The following CBL variants were observed in gnomAD, a reference collection of about 807,000 sequenced individuals.
CBL encodes the protein E3 ubiquitin-protein ligase CBL.
A neutral mutation model predicts 96.9 loss-of-function variants in CBL; 45 were observed. The observed-to-expected ratio is 0.46, with a 90% CI of 0.37 to 0.60. The LOEUF is 0.60. Ranked by LOEUF, CBL falls within the 20% of genes least tolerant of loss-of-function variation. The probability of loss-of-function intolerance (pLI) is 0.00; values close to 1 mark genes in which losing one functional copy is unlikely to be tolerated. For synonymous variants in CBL, 420 were observed against 426.8 expected, an observed-to-expected ratio of 0.98 and a Z score of 0.20; for missense variants, 1,024 against 1,143.5, an observed-to-expected ratio of 0.90 and a Z score of 1.51.
chr11:119,258,634 T>C (rs974670500), intron 2 of CBL, among the ~76,000 whole-genome samples: 1 of 152,194 alleles, frequency 6.6e-6, no homozygotes, highest in African/African-American at 2.4e-5. Flanking sequence ...AATTGATCTA[T>C]GTATCTTTCT....
At chr11:119,256,544 T>A (rs1274368210) in intron 2 of CBL, among the ~76,000 whole-genome samples, 5 of 152,194 alleles carry the variant, frequency 3.3e-5, no homozygotes, top group Admixed American at 6.5e-5. Flanking sequence ...ATGCTCTTTT[T>A]TTTAGATTTT....
In CBL at chr11:119,219,609, GT is replaced by G. The variant is rs1315379123; in HGVS notation, c.196-12838del. Among the ~76,000 whole-genome samples the G allele has an allele frequency of 4.0e-5, 6 of 151,716 alleles. No individual in the cohort carries two copies. In the East Asian group the frequency reaches 1.2e-3, roughly 29 times the overall value. On this transcript the variant is annotated intron_variant, in intron 1 of 15. Transcript: ENST00000264033. ...CCCCCTAAGATAAAGGGGGACCACTGTAATCTCTAGTTCATACTAAGTATTT... is the reference window on the plus strand; with the variant it reads ...CCCCCTAAGATAAAGGGGGACCACTGAATCTCTAGTTCATACTAAGTATTT...
intron 1 of CBL, among the ~76,000 whole-genome samples, chr11:119,212,346 G>A (rs965687978): frequency 6.6e-6 from 1 of 151,844 alleles, no homozygotes. Flanking sequence ...TTTATTGGCC[G>A]GGTGTGTGGT....
chr11:119,243,215 T>A (rs1356690626), intron 2 of CBL, among the ~76,000 whole-genome samples: 1 of 152,110 alleles, frequency 6.6e-6, no homozygotes, highest in Admixed American at 6.6e-5. Flanking sequence ...GAGGTGGAAG[T>A]TGCAGTGAGC....
intron 2 of CBL, among the ~76,000 whole-genome samples, chr11:119,234,932 A>G (rs1391547219): frequency 2.0e-5 from 3 of 152,178 alleles, no homozygotes; most frequent in African/African-American, 7.2e-5. Flanking sequence ...TGGCATGAAA[A>G]TGGAGGCTCT....
intron 9 of CBL, 43 bp from the exon 10 acceptor site, chr11:119,284,926 T>G (rs1949968539): frequency 6.2e-7 from 1 of 1,611,966 alleles, no homozygotes; most frequent in South Asian, 1.1e-5. Flanking sequence ...AGATGCCATT[T>G]CCCCAAACGA....
Position 119,260,939 on chromosome 11 carries a change from C to CTTTTTTTTTTTTTTT in CBL, c.444-10790_444-10776dup, listed in dbSNP as rs35248070. On this transcript the variant is annotated intron_variant, in intron 2 of 15. Transcript: ENST00000264033. ...TTTCACTTTGGCAGTTAAATCTCTA[C>CTTTTTTTTTTTTTTT]TTTTTTTTTTTTTTTTTTTTAATGG... is the stretch of plus-strand genomic sequence containing the variant. Among the ~76,000 whole-genome samples, 55 of 89,918 alleles carry CTTTTTTTTTTTTTTT rather than the reference C, an allele frequency of 6.1e-4. 5 individuals carry two copies. Among genetic ancestry groups the CTTTTTTTTTTTTTTT allele is most frequent in the African/African-American group, 2.4e-3 (47 of 19,864 alleles). 59.0% of individuals were successfully genotyped at this position (89,918 alleles called of 152,430 possible). A position where few individuals can be genotyped will look rare whatever the true frequency, so the allele number is the denominator to read the frequency against.
intron 2 of CBL, among the ~76,000 whole-genome samples, chr11:119,254,597 C>A (rs1446985800): frequency 1.3e-5 from 2 of 151,596 alleles, no homozygotes; most frequent in African/African-American, 2.4e-5. Context: ...GTATTATAAT[C>A]TTTTTTTATC....
intron 2 of CBL, among the ~76,000 whole-genome samples, chr11:119,268,444 TG>T (rs1949819792): frequency 6.6e-6 from 1 of 152,196 alleles, no homozygotes; most frequent in South Asian, 2.1e-4. Context: ...AAGATGGTGT[TG>T]TCATTAAATA....
chr11:119,230,243 C>G (rs1949491330), intron 1 of CBL, among the ~76,000 whole-genome samples: 1 of 151,924 alleles, frequency 6.6e-6, no homozygotes. Flanking sequence ...GCTCCGCCTC[C>G]TGGGTTCACA....
At chr11:119,231,481 C>T (rs191602703) in intron 1 of CBL, among the ~76,000 whole-genome samples, 1 of 152,034 alleles carries the variant, frequency 6.6e-6, no homozygotes, top group East Asian at 1.9e-4. Flanking sequence ...GAGGCTGAGG[C>T]CAGTGGATCA....
At chr11:119,226,467 CAACTT>C (rs1238896736) in intron 1 of CBL, among the ~76,000 whole-genome samples, 15 of 152,142 alleles carry the variant, frequency 9.9e-5, no homozygotes, top group Middle Eastern at 3.4e-3. Flanking sequence ...GAAATTTACT[CAACTT>C]AAATGACTGA....
intron 2 of CBL, among the ~76,000 whole-genome samples, chr11:119,248,857 G>C (rs1949650641): frequency 6.6e-6 from 1 of 152,134 alleles, no homozygotes; most frequent in African/African-American, 2.4e-5. Flanking sequence ...ATATACAGCT[G>C]TCCAATAAGC....
At chr11:119,243,064 G>A (rs1949599646) in intron 2 of CBL, among the ~76,000 whole-genome samples, 1 of 152,024 alleles carries the variant, frequency 6.6e-6, no homozygotes, top group African/African-American at 2.4e-5. Flanking sequence ...GATTACCTGA[G>A]GTCAGGAGTT....
At chr11:119,235,959 A>G (rs777035206) in intron 2 of CBL, among the ~76,000 whole-genome samples, 3 of 152,196 alleles carry the variant, frequency 2.0e-5, no homozygotes, top group Non-Finnish European at 4.4e-5. Context: ...TCAGGTTGAA[A>G]GGGTTTTTGT....
chr11:119,245,843 G>A (rs901906779), intron 2 of CBL, among the ~76,000 whole-genome samples: 5 of 151,740 alleles, frequency 3.3e-5, no homozygotes, highest in Non-Finnish European at 5.9e-5. Context: ...TTGTGGAGAT[G>A]GGATCTCACT....
At chr11:119,233,285 C>T (rs944817816) in intron 2 of CBL, among the ~76,000 whole-genome samples, 1 of 152,102 alleles carries the variant, frequency 6.6e-6, no homozygotes. Flanking sequence ...GAGTCTGGCT[C>T]TGTCGCCCAG....
rs1950121214 is a variant in CBL at position 119,304,391 on chromosome 11, A to G, written c.*4610A>G. 1 of 233,102 alleles carries G rather than the reference A, an allele frequency of 4.3e-6. No individual in the cohort carries two copies. The highest frequency in any genetic ancestry group is 5.6e-5 in the Admixed American group (1 of 17,772). 14.4% of individuals were successfully genotyped at this position (233,102 alleles called of 1,614,324 possible). On this transcript the variant is annotated 3_prime_UTR_variant, in exon 16 of 16. Coordinates refer to ENST00000264033, the MANE Select transcript of CBL (RefSeq NM_005188.4). ...CAAGAAACAGAAATGTTCAAGCGGA[A>G]TAAAGGAGGGAGTGGAGTTGTGGTA...
At position 119,299,981 on chromosome 11, in the gene CBL, G is replaced by T; in HGVS notation, c.*200G>T. Reference sequence around the variant, plus strand: ...GCTAGTATGTTTTATTATTTTATGGGTCTTGAGTGCATTTGAAGGTGTCCT... The same window carrying T: ...GCTAGTATGTTTTATTATTTTATGGTTCTTGAGTGCATTTGAAGGTGTCCT... On this transcript the variant is annotated 3_prime_UTR_variant, in exon 16 of 16. Coordinates refer to ENST00000264033, the MANE Select transcript of CBL (RefSeq NM_005188.4). 2 of 642,250 alleles carry T rather than the reference G, an allele frequency of 3.1e-6. No individual in the cohort carries two copies. The highest frequency in any genetic ancestry group is 2.8e-6 in the Non-Finnish European group (1 of 362,646). The allele number at this position is 642,250 out of a possible 1,614,324, so 39.8% of individuals were successfully genotyped here.
Sources: allele counts gnomAD v4.1 joint callset (sites outside exome capture counted in the v4.1 genomes callset), GRCh38; gene constraint gnomAD v4.1.1; transcripts MANE v1.5; gene names NCBI Gene and HGNC (gene_info 2026-07-23, HGNC 2026-07-21).